The following FBXL7 variants were observed in gnomAD, a reference collection of about 807,000 sequenced individuals.
FBXL7 encodes the protein F-box and leucine rich repeat protein 7.
Under a neutral mutation model 38.3 loss-of-function variants are expected in FBXL7, and 12 were observed. The ratio of observed to expected loss-of-function variants is 0.31; its 90% CI spans 0.20 to 0.51. FBXL7 has a LOEUF of 0.51. Ranked by LOEUF, FBXL7 falls within the 20% of genes least tolerant of loss-of-function variation. The pLI is 0.98. For missense variants in FBXL7, 567 were observed against 676.4 expected (o/e 0.84, Z 1.79); for synonymous variants, 297 against 300.9 (o/e 0.99, Z 0.13).
intron 2 of FBXL7, among the ~76,000 whole-genome samples, chr5:15,840,531 G>A (rs1159189299): frequency 6.6e-6 from 1 of 152,092 alleles, no homozygotes; most frequent in Non-Finnish European, 1.5e-5. Flanking sequence ...AACATTTTCT[G>A]CCTCGAATAT....
intron 2 of FBXL7, among the ~76,000 whole-genome samples, chr5:15,634,485 C>T (rs1320390036): frequency 7.0e-6 from 1 of 143,828 alleles, no homozygotes; most frequent in Non-Finnish European, 1.5e-5. Flanking sequence ...CCATGCCTGG[C>T]TAATTTTTGT....
chr5:15,734,693 C>G (rs1017410416), intron 2 of FBXL7, among the ~76,000 whole-genome samples: 1 of 152,004 alleles, frequency 6.6e-6, no homozygotes, highest in African/African-American at 2.4e-5. Flanking sequence ...ATAATAATCA[C>G]AAAAGAAGGA....
At chr5:15,623,164 G>A (rs975585016) in intron 2 of FBXL7, among the ~76,000 whole-genome samples, 5 of 152,220 alleles carry the variant, frequency 3.3e-5, no homozygotes, top group African/African-American at 1.2e-4. Context: ...AGCTGAAGCA[G>A]CCTGTTCAGA....
At chr5:15,618,524 T>C (rs1332063136) in intron 2 of FBXL7, among the ~76,000 whole-genome samples, 1 of 152,178 alleles carries the variant, frequency 6.6e-6, no homozygotes, top group African/African-American at 2.4e-5. Flanking sequence ...TAGTTTCCTC[T>C]TATCAGGCTG....
At chr5:15,727,971 T>G (rs1735458819) in intron 2 of FBXL7, among the ~76,000 whole-genome samples, 1 of 152,190 alleles carries the variant, frequency 6.6e-6, no homozygotes, top group African/African-American at 2.4e-5. Flanking sequence ...TCTCTTCAAG[T>G]TTGCTCATTC....
chr5:15,808,979 C>T (rs564140434), intron 2 of FBXL7, among the ~76,000 whole-genome samples: 82 of 152,238 alleles, frequency 5.4e-4, no homozygotes, highest in African/African-American at 2.0e-3. Flanking sequence ...CCATCCAAAC[C>T]CCAGTCATTT....
At chr5:15,573,620 A>G (rs1738862484) in intron 1 of FBXL7, among the ~76,000 whole-genome samples, 1 of 152,194 alleles carries the variant, frequency 6.6e-6, no homozygotes, top group South Asian at 2.1e-4. Context: ...TGTCTTCCTC[A>G]GGAAAAAAGA....
intron 2 of FBXL7, among the ~76,000 whole-genome samples, chr5:15,854,706 A>C (rs1179633520): frequency 6.6e-6 from 1 of 152,148 alleles, no homozygotes; most frequent in African/African-American, 2.4e-5. Flanking sequence ...TTTCAGCCTG[A>C]AACAGGTCAT....
chr5:15,904,745 G>A (rs1238433713), intron 2 of FBXL7, among the ~76,000 whole-genome samples: 2 of 152,036 alleles, frequency 1.3e-5, no homozygotes, highest in East Asian at 3.9e-4. Context: ...ATAATAATGT[G>A]TGCTCTTTAG....
chr5:15,929,851 G>C (rs1741993183), intron 3 of FBXL7, among the ~76,000 whole-genome samples: 1 of 152,030 alleles, frequency 6.6e-6, no homozygotes. Context: ...AAAACCAACA[G>C]CACGACCAGC....
rs780048506 is a variant in FBXL7 at position 15,936,443 on chromosome 5, T to C, written c.740-7T>C. 6.2e-6 allele frequency: 10 copies of C among 1,609,992 alleles called. No individual in the cohort carries two copies. The highest frequency in any genetic ancestry group is 7.6e-6 in the Non-Finnish European group (9 of 1,178,322). On this transcript the variant is annotated splice_polypyrimidine_tract_variant and splice_region_variant and intron_variant, in intron 3 of 3. Coordinates refer to ENST00000504595, the MANE Select transcript of FBXL7 (RefSeq NM_012304.5). This position sits in a 1 kb window ranked among gnomAD's most constrained non-coding sequence, Gnocchi z 6.0. ...GCTCTGAGCCTGTGTTCTGTCTCTT[T>C]GTGCAGGATGCTCCAAAGTGACCTG... is the stretch of plus-strand genomic sequence containing the variant.
At chr5:15,765,886 C>T (rs1430289489) in intron 2 of FBXL7, among the ~76,000 whole-genome samples, 7 of 152,150 alleles carry the variant, frequency 4.6e-5, no homozygotes, top group Admixed American at 4.6e-4. Flanking sequence ...CAACCCTACT[C>T]TCATTTCCTC....
Position 15,500,494 on chromosome 5 carries a change from G to C in FBXL7, c.-183G>C. ...CCTGGAGCCACCGGGGGTGCCAGGA[G>C]GGGACGCAGCACCCCCTCCCACTGG... is the stretch of plus-strand genomic sequence containing the variant. On this transcript the variant is annotated 5_prime_UTR_variant, in exon 1 of 4. Coordinates refer to ENST00000504595, the MANE Select transcript of FBXL7 (RefSeq NM_012304.5). 1.3e-6 allele frequency: 1 copy of C among 762,924 alleles called. No individual in the cohort carries two copies. Among genetic ancestry groups the C allele is most frequent in the South Asian group, 1.5e-5 (1 of 68,144 alleles). 47.3% of individuals were successfully genotyped at this position (762,924 alleles called of 1,614,324 possible).
intron 2 of FBXL7, among the ~76,000 whole-genome samples, chr5:15,814,665 A>T (rs764379222): frequency 2.6e-5 from 4 of 152,192 alleles, no homozygotes; most frequent in Non-Finnish European, 5.9e-5. Flanking sequence ...GAATTTAAAA[A>T]AATGTTCCAT....
chr5:15,508,025 A>G (rs1736693646), intron 1 of FBXL7, among the ~76,000 whole-genome samples: 1 of 152,154 alleles, frequency 6.6e-6, no homozygotes, highest in African/African-American at 2.4e-5. Context: ...CCTGGGTGAC[A>G]AGAGCAAGAA....
intron 2 of FBXL7, among the ~76,000 whole-genome samples, chr5:15,705,842 A>G (rs997634464): frequency 1.3e-5 from 2 of 152,134 alleles, no homozygotes; most frequent in African/African-American, 2.4e-5. Context: ...GTTTTTTTAA[A>G]CAAATAAATA....
At chr5:15,647,592 A>AT in intron 2 of FBXL7, among the ~76,000 whole-genome samples, 1 of 152,222 alleles carries the variant, frequency 6.6e-6, no homozygotes. Context: ...AATTAATATA[A>AT]TTTACCCTTT....
At chr5:15,554,946 C>G (rs938448288) in intron 1 of FBXL7, among the ~76,000 whole-genome samples, 1 of 152,166 alleles carries the variant, frequency 6.6e-6, no homozygotes, top group Non-Finnish European at 1.5e-5. Context: ...GTCAGAGTCA[C>G]GCTGTGAAAT....
intron 1 of FBXL7, among the ~76,000 whole-genome samples, chr5:15,575,588 T>A (rs1470477681): frequency 6.6e-6 from 1 of 152,236 alleles, no homozygotes; most frequent in Non-Finnish European, 1.5e-5. Context: ...AAGTCTGTGA[T>A]AATAAGTGAG....
Sources: gnomAD v4.1 joint callset for allele counts (sites outside exome capture counted in the v4.1 genomes callset) on GRCh38, gnomAD v4.1.1 for gene constraint, Gnocchi (gnomAD v3.1) non-coding constraint, MANE v1.5 for transcripts, NCBI Gene and HGNC (gene_info 2026-07-23, HGNC 2026-07-21) for gene names.